The following ECE2 variants were observed in gnomAD, a reference collection of about 807,000 sequenced individuals.
ECE2 encodes the protein endothelin-converting enzyme 2.
ECE2 carries 81 observed loss-of-function variants against 100.6 expected under a neutral mutation model. That is an observed-to-expected ratio of 0.81 (90% CI 0.67 to 0.97). ECE2 has a LOEUF of 0.97. Ranked by LOEUF, ECE2 falls within the 50% of genes least tolerant of loss-of-function variation. The pLI is 0.00. For missense variants in ECE2, 911 were observed against 988.1 expected, an observed-to-expected ratio of 0.92 and a Z score of 1.05; for synonymous variants, 391 against 391.5, an observed-to-expected ratio of 1.00 and a Z score of 0.02.
chr3:184,292,460 C>A lies in ECE2; in HGVS notation c.*222C>A. ...GCAGAGCCCCCACCATTCACTGTGA[C>A]ATCTTTCCGTGTCACCCTGCCTGGA... is the stretch of plus-strand genomic sequence containing the variant. On this transcript the variant is annotated 3_prime_UTR_variant, in exon 19 of 19. Transcript: ENST00000404464. 1.7e-6 allele frequency: 1 copy of A among 579,794 alleles called. No individual in the cohort carries two copies. Among genetic ancestry groups the A allele is most frequent in the Non-Finnish European group, 3.1e-6 (1 of 327,312 alleles). 35.9% of individuals were successfully genotyped at this position (579,794 alleles called of 1,614,324 possible). A position where few individuals can be genotyped will look rare whatever the true frequency, so the allele number is the denominator to read the frequency against.
intron 7 of ECE2, among the ~76,000 whole-genome samples, chr3:184,282,969 A>G (rs1012066732): frequency 6.6e-6 from 1 of 152,178 alleles, no homozygotes; most frequent in Admixed American, 6.5e-5. Flanking sequence ...GAGGCCTGGC[A>G]GGATGGGAGG....
chr3:184,289,566 T>TTG lies in ECE2; in HGVS notation c.1473+32_1473+33dup. 6.2e-7 allele frequency: 1 copy of TTG among 1,613,802 alleles called. No individual in the cohort carries two copies. Among genetic ancestry groups the TTG allele is most frequent in the Non-Finnish European group, 8.5e-7 (1 of 1,179,798 alleles). On this transcript the variant is annotated intron_variant, in intron 12 of 18. Transcript: ENST00000404464. The surrounding 1 kb of genome is among the most constrained non-coding windows in gnomAD (Gnocchi z 4.1). ...CGGTGGCTAGGGTTGGGGCGCCATC[T>TTG]TGAGGTGGGGTTCAAGGATACAGTT...
chr3:184,290,843 A>G lies in ECE2; in HGVS notation c.1817A>G (p.His606Arg), dbSNP rs1348896332. The G allele has an allele frequency of 2.5e-6, 4 of 1,614,190 alleles. No individual in the cohort carries two copies. In the South Asian group the frequency reaches 3.3e-5, roughly 13 times the overall value. ...GTGGTCATGGGCCATGAGTTGACGC[A>G]TGCCTTTGATGACCAAGGTAGGGGC... ...IGVVMGHELT[H>R]AFDDQGREYD... The change falls in exon 16 of 19, where the codon CAT (histidine) becomes CGT (arginine). Residue 606 changes from histidine (H) to arginine (R), a missense_variant. Physicochemically the swap from His to Arg is conservative, Grantham distance 29. Coordinates refer to ENST00000404464, the MANE Select transcript of ECE2 (RefSeq NM_001100121.2).
chr3:184,285,186 C>T, intron 9 of ECE2, 81 bp downstream of exon 9: 2 of 1,534,302 alleles, frequency 1.3e-6, no homozygotes, highest in Non-Finnish European at 1.8e-6. Flanking sequence ...CCCAGCCACA[C>T]AGAACAACAT....
Position 184,291,733 on chromosome 3 carries a change from C to G in ECE2, c.2121+294C>G. 3.9e-6 allele frequency: 2 copies of G among 515,006 alleles called. No individual in the cohort carries two copies. The highest frequency in any genetic ancestry group is 6.9e-6 in the Non-Finnish European group (2 of 290,678). 31.9% of individuals were successfully genotyped at this position (515,006 alleles called of 1,614,324 possible). ...GTGGCGAAGGGGGCAAACGTTCATCCTCACGCTGTTCCTGTGAGGGAGACA... is the reference window on the plus strand; with the variant it reads ...GTGGCGAAGGGGGCAAACGTTCATCGTCACGCTGTTCCTGTGAGGGAGACA... On this transcript the variant is annotated intron_variant, in intron 18 of 18. Transcript: ENST00000404464. This position sits in a 1 kb window ranked among gnomAD's most constrained non-coding sequence, Gnocchi z 4.1.
At chr3:184,284,142 A>C (rs1186250402) in intron 8 of ECE2, among the ~76,000 whole-genome samples, 169 bp downstream of exon 8, 1 of 152,072 alleles carries the variant, frequency 6.6e-6, no homozygotes, top group African/African-American at 2.4e-5. Context: ...AATGGTGTCC[A>C]TTTAGGCCAC....
In ECE2 at chr3:184,289,484, G is replaced by A. The variant is rs1721211990; in HGVS notation, c.1422G>A (p.Leu474=). The change falls in exon 12 of 19, where the codon CTG becomes CTA. Residue 474 remains leucine (L), a synonymous_variant. Coordinates refer to ENST00000404464, the MANE Select transcript of ECE2 (RefSeq NM_001100121.2). This position sits in a 1 kb window ranked among gnomAD's most constrained non-coding sequence, Gnocchi z 4.1. The part of the protein sequence containing the change: ...SEIRTAFEEA[L]GQLVWMDEKT... ...TCCGGACCGCATTTGAGGAGGCCCT[G>A]GGACAGCTGGTTTGGATGGATGAGA... 18 of 1,612,344 alleles carry A rather than the reference G, an allele frequency of 1.1e-5. No individual in the cohort carries two copies. The highest frequency in any genetic ancestry group is 1.5e-5 in the Non-Finnish European group (18 of 1,179,336).
At chr3:184,288,754 A>G (rs1437313736) in intron 11 of ECE2, among the ~76,000 whole-genome samples, 1 of 152,242 alleles carries the variant, frequency 6.6e-6, no homozygotes, top group African/African-American at 2.4e-5. Context: ...TGGGTAATCA[A>G]AATGTTAAAA....
At chr3:184,284,075 C>T in intron 8 of ECE2, 102 bp downstream of exon 8, 1 of 1,406,764 alleles carries the variant, frequency 7.1e-7, no homozygotes, top group Non-Finnish European at 9.7e-7. Context: ...CAGTCCTTTC[C>T]TCATTCCCTT....
At position 184,277,903 on chromosome 3, in the gene ECE2, G is replaced by A. The variant is rs1442415882; in HGVS notation, c.479-22G>A. The stretch of plus-strand genomic sequence containing the variant: ...CAGCAGTTAACGTAATTGCCACCTG[G>A]ATCCTGTGTTCTGCCCCACAGAAAA... On this transcript the variant is annotated intron_variant, in intron 4 of 18. Coordinates refer to ENST00000404464, the MANE Select transcript of ECE2 (RefSeq NM_001100121.2). 5.0e-6 allele frequency: 8 copies of A among 1,609,314 alleles called. No homozygotes were observed. In the Admixed American group the frequency reaches 1.0e-4, roughly 20 times the overall value.
At chr3:184,287,231 G>A (rs1387403744) in intron 10 of ECE2, among the ~76,000 whole-genome samples, 1 of 150,186 alleles carries the variant, frequency 6.7e-6, no homozygotes, top group Non-Finnish European at 1.5e-5. Context: ...AGCTGAGATC[G>A]CACCACTGCA....
Position 184,276,114 on chromosome 3 carries a change from C to T in ECE2, c.-40C>T, listed in dbSNP as rs1331469473. On this transcript the variant is annotated 5_prime_UTR_variant, in exon 1 of 19. Transcript: ENST00000404464. ...GGGCCGCGGCCCGGGAGCGGGCCAG[C>T]TGCCGGGAGCCCTGAATCACCGCCT... 1 of 1,294,572 alleles carries T rather than the reference C, an allele frequency of 7.7e-7. No homozygotes were observed. Among genetic ancestry groups the T allele is most frequent in the Non-Finnish European group, 9.8e-7 (1 of 1,023,996 alleles). The allele number at this position is 1,294,572 out of a possible 1,614,324, so 80.2% of individuals were successfully genotyped here. A position where few individuals can be genotyped will look rare whatever the true frequency, so the allele number is the denominator to read the frequency against.
chr3:184,292,648 C>T lies in ECE2; in HGVS notation c.*410C>T, dbSNP rs756817013. 41 of 211,496 alleles carry T rather than the reference C, an allele frequency of 1.9e-4. No homozygotes were observed. The highest frequency in any genetic ancestry group is 3.5e-4 in the Non-Finnish European group (36 of 103,376). The allele number at this position is 211,496 out of a possible 1,614,324, so 13.1% of individuals were successfully genotyped here. A position where few individuals can be genotyped will look rare whatever the true frequency, so the allele number is the denominator to read the frequency against. On this transcript the variant is annotated 3_prime_UTR_variant, in exon 19 of 19. Coordinates refer to ENST00000404464, the MANE Select transcript of ECE2 (RefSeq NM_001100121.2). ...GACTTCTCCCCAGGCTCACTCAGTG[C>T]GCACTTAGGGGTGGACTCAGCTCTG...
chr3:184,290,255 T>C lies in ECE2; in HGVS notation c.1552T>C (p.Tyr518His), dbSNP rs1577147081. 9 of 1,612,816 alleles carry C rather than the reference T, an allele frequency of 5.6e-6. No homozygotes were observed. The highest frequency in any genetic ancestry group is 6.8e-6 in the Non-Finnish European group (8 of 1,179,082). ...TTTCTACTTCCCACCTTTCCCACAG[T>C]ACGAAATTTCTGAAGATTCTTTCTT... ...PKELDDVYDG[Y>H]EISEDSFFQN... The change falls in exon 14 of 19, where the codon TAC becomes CAC. Residue 518 changes from tyrosine (Y) to histidine (H), a missense_variant and splice_region_variant. Coordinates refer to ENST00000404464, the MANE Select transcript of ECE2 (RefSeq NM_001100121.2).
At chr3:184,279,304 C>T (rs1165523589) in intron 7 of ECE2, among the ~76,000 whole-genome samples, 11 of 89,282 alleles carry the variant, frequency 1.2e-4, no homozygotes, top group African/African-American at 4.4e-4. Flanking sequence ...AGAGAGACTC[C>T]GACTCAAAAA....
intron 14 of ECE2, 52 bp downstream of exon 14, chr3:184,290,410 G>T (rs766332573): frequency 1.4e-5 from 22 of 1,590,532 alleles, no homozygotes; most frequent in Non-Finnish European, 1.9e-5. Context: ...AGAGGTGGGG[G>T]AAGGTTCCTG....
In ECE2 at chr3:184,276,108, G is replaced by T; in HGVS notation, c.-46G>T. ...GGACCGGGGCCGCGGCCCGGGAGCGGGCCAGCTGCCGGGAGCCCTGAATCA... is the reference window on the plus strand; with the variant it reads ...GGACCGGGGCCGCGGCCCGGGAGCGTGCCAGCTGCCGGGAGCCCTGAATCA... On this transcript the variant is annotated 5_prime_UTR_variant, in exon 1 of 19. Transcript: ENST00000404464. The T allele has an allele frequency of 2.3e-6, 3 of 1,291,996 alleles. 1 individual carries two copies. The highest frequency in any genetic ancestry group is 2.9e-6 in the Non-Finnish European group (3 of 1,022,526). 80.0% of individuals were successfully genotyped at this position (1,291,996 alleles called of 1,614,324 possible). A position where few individuals can be genotyped will look rare whatever the true frequency, so the allele number is the denominator to read the frequency against.
chr3:184,287,771 A>C, intron 10 of ECE2, 66 bp from the exon 11 acceptor site: 34 of 1,428,712 alleles, frequency 2.4e-5, no homozygotes, highest in Non-Finnish European at 3.1e-5. Flanking sequence ...CCCCAGTGAC[A>C]GAGAAAGGCC....
Position 184,283,809 on chromosome 3 carries a change from A to G in ECE2, c.841A>G (p.Met281Val). ...GGTGCTCACTGCCTATCTGGATTAC[A>G]TGGAGGAACTGGGGATGCTGCTGGG... ...EKVLTAYLDY[M>V]EELGMLLGGR... The change falls in exon 8 of 19, where the codon ATG becomes GTG. Residue 281 changes from methionine to valine, a missense_variant. Transcript: ENST00000404464. The G allele has an allele frequency of 6.2e-7, 1 of 1,613,740 alleles. No individual in the cohort carries two copies. Among genetic ancestry groups the G allele is most frequent in the East Asian group, 2.2e-5 (1 of 44,810 alleles).
Sources: allele counts gnomAD v4.1 joint callset (sites outside exome capture counted in the v4.1 genomes callset), GRCh38; gene constraint gnomAD v4.1.1; non-coding constraint Gnocchi (gnomAD v3.1); transcripts MANE v1.5; gene names NCBI Gene and HGNC (gene_info 2026-07-23, HGNC 2026-07-21).